GABRA5: variants seen among roughly 807,000 people sequenced by gnomAD.
GABRA5 encodes the protein gamma-aminobutyric acid type A receptor subunit alpha5.
In GABRA5, 18 loss-of-function variants were observed where a neutral mutation model predicts 47.3. The ratio of observed to expected loss-of-function variants is 0.38; its 90% CI spans 0.26 to 0.56. The LOEUF (loss-of-function observed/expected upper bound fraction) is 0.56. Ranked by LOEUF, GABRA5 falls within the 20% of genes least tolerant of loss-of-function variation. The probability of loss-of-function intolerance (pLI) is 0.71; values close to 1 mark genes in which losing one functional copy is unlikely to be tolerated. For synonymous variants in GABRA5, 237 were observed against 229.3 expected (o/e 1.03, Z -0.30); for missense variants, 365 against 599.3 (o/e 0.61, Z 4.08).
At chr15:26,946,007 C>G (rs762429451) in intron 10 of GABRA5, among the ~76,000 whole-genome samples, 1 of 151,772 alleles carries the variant, frequency 6.6e-6, no homozygotes, top group Non-Finnish European at 1.5e-5. Flanking sequence ...AAGGCGGGGA[C>G]GGCAAAACTG....
chr15:26,927,923 C>A (rs1033244044), intron 7 of GABRA5, among the ~76,000 whole-genome samples: 4 of 152,118 alleles, frequency 2.6e-5, no homozygotes, highest in Non-Finnish European at 5.9e-5. Context: ...AGAATTCCAT[C>A]AAATCTTGAA....
intron 6 of GABRA5, among the ~76,000 whole-genome samples, chr15:26,884,203 A>G (rs909452436): frequency 6.6e-6 from 1 of 152,048 alleles, no homozygotes; most frequent in African/African-American, 2.4e-5. Flanking sequence ...AAAGAAAAAA[A>G]AAAGAAGGGA....
At chr15:26,875,297 C>T (rs1459477373) in intron 3 of GABRA5, among the ~76,000 whole-genome samples, 1 of 152,194 alleles carries the variant, frequency 6.6e-6, no homozygotes, top group Non-Finnish European at 1.5e-5. Flanking sequence ...TGCAATGTCT[C>T]CCTCGCAGGG....
At chr15:26,945,171 G>A (rs994183207) in intron 10 of GABRA5, among the ~76,000 whole-genome samples, 6 of 152,336 alleles carry the variant, frequency 3.9e-5, no homozygotes, top group East Asian at 3.9e-4. Context: ...AGGCAGTGGC[G>A]CTGGGGGTTC....
At chr15:26,887,363 T>A (rs1892903200) in intron 6 of GABRA5, among the ~76,000 whole-genome samples, 1 of 152,174 alleles carries the variant, frequency 6.6e-6, no homozygotes, top group Non-Finnish European at 1.5e-5. Flanking sequence ...AGAGTTTTGC[T>A]CTGTCATCCA....
chr15:26,890,970 ATT>A (rs1892991946), intron 6 of GABRA5, among the ~76,000 whole-genome samples: 1 of 152,188 alleles, frequency 6.6e-6, no homozygotes, highest in Non-Finnish European at 1.5e-5. Context: ...GTTTCTGCCA[ATT>A]TAATAAAGAG....
intron 6 of GABRA5, among the ~76,000 whole-genome samples, chr15:26,906,700 A>T (rs189269009): frequency 2.6e-5 from 4 of 152,268 alleles, no homozygotes; most frequent in East Asian, 1.9e-4. Context: ...GTAGTATTTT[A>T]AAAAAATCAT....
intron 6 of GABRA5, among the ~76,000 whole-genome samples, chr15:26,905,792 C>G (rs1893431194): frequency 6.6e-6 from 1 of 151,752 alleles, no homozygotes; most frequent in Non-Finnish European, 1.5e-5. Flanking sequence ...GAATTCTTTA[C>G]TTCAGTTGTT....
chr15:26,884,501 G>A (rs561232323), intron 6 of GABRA5, among the ~76,000 whole-genome samples: 36 of 152,006 alleles, frequency 2.4e-4, no homozygotes, highest in Admixed American at 1.1e-3. Flanking sequence ...TTAAAGTCAA[G>A]TTAAAAAAAA....
At chr15:26,890,510 G>A (rs1366941197) in intron 6 of GABRA5, among the ~76,000 whole-genome samples, 1 of 145,826 alleles carries the variant, frequency 6.9e-6, no homozygotes, top group African/African-American at 2.7e-5. Flanking sequence ...TTGTTCCCAA[G>A]GTTGGAGACA....
At chr15:26,881,524 A>G (rs188573279) in intron 4 of GABRA5, among the ~76,000 whole-genome samples, 3 of 152,292 alleles carry the variant, frequency 2.0e-5, no homozygotes, top group African/African-American at 7.2e-5. Context: ...TTGTTCTTGT[A>G]GGGCACACCT....
intron 1 of GABRA5, among the ~76,000 whole-genome samples, chr15:26,868,345 C>T (rs1030854843): frequency 2.0e-5 from 3 of 151,944 alleles, no homozygotes. Flanking sequence ...GTGGAAGTAC[C>T]TGTTGTGTCT....
chr15:26,903,123 C>T (rs1250052462), intron 6 of GABRA5, among the ~76,000 whole-genome samples: 2 of 152,092 alleles, frequency 1.3e-5, no homozygotes, highest in East Asian at 3.9e-4. Flanking sequence ...CCTCCACCCT[C>T]AAGAAGGCTC....
rs1036159445 is a variant in GABRA5, at chr15:26,883,677, C to T, written c.497+120C>T. On this transcript the variant is annotated intron_variant, in intron 6 of 10. Transcript: ENST00000335625. This position sits in a 1 kb window ranked among gnomAD's most constrained non-coding sequence, Gnocchi z 4.8. ...TGACCATAGGTCTGAGACTGCGGCG[C>T]GTGTGTGCTGGGGGTTCCCCGTTGC... is the stretch of plus-strand genomic sequence containing the variant. 2.5e-6 allele frequency: 2 copies of T among 787,444 alleles called. No individual in the cohort carries two copies. Among genetic ancestry groups the T allele is most frequent in the Non-Finnish European group, 3.8e-6 (2 of 519,762 alleles). 48.8% of individuals were successfully genotyped at this position (787,444 alleles called of 1,614,324 possible). A position where few individuals can be genotyped will look rare whatever the true frequency, so the allele number is the denominator to read the frequency against.
intron 7 of GABRA5, among the ~76,000 whole-genome samples, chr15:26,921,962 G>A (rs1227286141): frequency 6.6e-6 from 1 of 152,070 alleles, no homozygotes; most frequent in Non-Finnish European, 1.5e-5. Flanking sequence ...AATGCCCTCT[G>A]TATAATTACA....
chr15:26,883,625 C>A lies in GABRA5; in HGVS notation c.497+68C>A, dbSNP rs1190464583. 2.4e-6 allele frequency: 3 copies of A among 1,251,132 alleles called. No individual in the cohort carries two copies. The highest frequency in any genetic ancestry group is 3.3e-6 in the Non-Finnish European group (3 of 922,136). The allele number at this position is 1,251,132 out of a possible 1,614,324, so 77.5% of individuals were successfully genotyped here. On this transcript the variant is annotated intron_variant, in intron 6 of 10. Coordinates refer to ENST00000335625, the MANE Select transcript of GABRA5 (RefSeq NM_000810.4). The surrounding 1 kb of genome is among the most constrained non-coding windows in gnomAD (Gnocchi z 4.8). ...GGGCAGGCGCGGCTGCCCATCCTGC[C>A]GCAAGAGCTGCGCCGCGGAGCTGTT...
At chr15:26,896,695 G>C (rs756202997) in intron 6 of GABRA5, among the ~76,000 whole-genome samples, 7 of 152,046 alleles carry the variant, frequency 4.6e-5, no homozygotes, top group Non-Finnish European at 7.4e-5. Context: ...ATACACACTG[G>C]CCTAAAGATG....
At chr15:26,915,201 C>G (rs545311769) in intron 7 of GABRA5, among the ~76,000 whole-genome samples, 3 of 152,166 alleles carry the variant, frequency 2.0e-5, no homozygotes, top group Non-Finnish European at 4.4e-5. Flanking sequence ...TTTTGCATCT[C>G]AGATTACAGG....
chr15:26,939,220 C>G (rs554885214), intron 8 of GABRA5: 1 of 764,666 alleles, frequency 1.3e-6, no homozygotes, highest in African/African-American at 1.7e-5. Context: ...CCACAGCTCC[C>G]GACCTCAGCT....
Sources: gnomAD v4.1 joint callset for allele counts (sites outside exome capture counted in the v4.1 genomes callset) on GRCh38, gnomAD v4.1.1 for gene constraint, Gnocchi (gnomAD v3.1) non-coding constraint, MANE v1.5 for transcripts, NCBI Gene and HGNC (gene_info 2026-07-23, HGNC 2026-07-21) for gene names.